Variants in TBK1 observed in about 807,000 individuals in gnomAD.
The protein encoded by TBK1 is TANK binding kinase 1, also known as serine/threonine-protein kinase TBK1.
Under a neutral mutation model 99.9 loss-of-function variants are expected in TBK1, and 37 were observed. That is an observed-to-expected ratio of 0.37 (90% CI 0.28 to 0.49). The LOEUF (loss-of-function observed/expected upper bound fraction) is 0.49. Ranked by LOEUF, TBK1 falls within the 20% of genes least tolerant of loss-of-function variation. The probability of loss-of-function intolerance (pLI) is 0.98; values close to 1 mark genes in which losing one functional copy is unlikely to be tolerated. For synonymous variants in TBK1, 258 were observed against 279.8 expected (o/e 0.92, Z 0.78); for missense variants, 644 against 872.5 (o/e 0.74, Z 3.30).
chr12:64,486,273 C>G (rs956794465), intron 11 of TBK1, among the ~76,000 whole-genome samples: 2 of 152,124 alleles, frequency 1.3e-5, no homozygotes, highest in African/African-American at 4.8e-5. Context: ...CATTTCTTTT[C>G]CTAGGACCTT....
chr12:64,472,145 A>G (rs2040668264), intron 5 of TBK1, among the ~76,000 whole-genome samples: 1 of 151,574 alleles, frequency 6.6e-6, no homozygotes, highest in Admixed American at 6.6e-5. Flanking sequence ...TCTAGTAGGC[A>G]TATGTTTGGA....
intron 11 of TBK1, among the ~76,000 whole-genome samples, chr12:64,487,101 G>A (rs1360672342): frequency 6.6e-6 from 1 of 152,172 alleles, no homozygotes; most frequent in South Asian, 2.1e-4. Flanking sequence ...TCTAAGAAAT[G>A]TAAGATGGAT....
Position 64,497,048 on chromosome 12 carries a change from A to T in TBK1, c.1860A>T (p.Ile620=). 6.2e-7 allele frequency: 1 copy of T among 1,610,172 alleles called. No individual in the cohort carries two copies. The highest frequency in any genetic ancestry group is 8.5e-7 in the Non-Finnish European group (1 of 1,177,226). Residue 620 remains isoleucine, a splice_region_variant and synonymous_variant, in exon 17 of 21, where the codon ATA becomes ATT. Transcript: ENST00000331710. The part of the protein sequence containing the change: ...EAFLNKSEEW[I]RKMLHLRKQL... ...TTTTGAATAAGTCAGAAGAATGGATAAGGTGAGTAAACTTCTTTTGGAGTG... is the reference window on the plus strand; with the variant it reads ...TTTTGAATAAGTCAGAAGAATGGATTAGGTGAGTAAACTTCTTTTGGAGTG...
At chr12:64,488,761 A>G (rs2040841985) in intron 12 of TBK1, among the ~76,000 whole-genome samples, 173 bp downstream of exon 12, 1 of 152,244 alleles carries the variant, frequency 6.6e-6, no homozygotes, top group African/African-American at 2.4e-5. Flanking sequence ...TGGGAAGCCA[A>G]GGCAGGTGGA....
At chr12:64,483,839 T>G (rs1016554797) in intron 8 of TBK1, among the ~76,000 whole-genome samples, 1 of 152,160 alleles carries the variant, frequency 6.6e-6, no homozygotes, top group African/African-American at 2.4e-5. Flanking sequence ...TAACCCTGTC[T>G]CTATTAAAAA....
At chr12:64,462,441 A>G (rs962945389) in intron 3 of TBK1, among the ~76,000 whole-genome samples, 1 of 152,248 alleles carries the variant, frequency 6.6e-6, no homozygotes, top group Non-Finnish European at 1.5e-5. Context: ...TGCAAACAGC[A>G]TTATGTATCT....
chr12:64,465,558 A>G (rs2040595718), intron 4 of TBK1, among the ~76,000 whole-genome samples: 1 of 152,220 alleles, frequency 6.6e-6, no homozygotes, highest in African/African-American at 2.4e-5. Flanking sequence ...ACAGATAAAC[A>G]AAAATGTGGT....
chr12:64,487,276 T>C (rs1444112568), intron 11 of TBK1, among the ~76,000 whole-genome samples: 1 of 152,242 alleles, frequency 6.6e-6, no homozygotes, highest in Non-Finnish European at 1.5e-5. Context: ...GGCCGACAGA[T>C]GTTAAGAAGT....
intron 19 of TBK1, 24 bp downstream of exon 19, chr12:64,497,778 CTG>C (rs770220430): frequency 4.5e-6 from 7 of 1,540,482 alleles, no homozygotes; most frequent in Admixed American, 2.0e-5. Context: ...CATTTGGAAA[CTG>C]TAGTGTTTCC....
At chr12:64,497,805 C>T (rs754245451) in intron 19 of TBK1, 51 bp downstream of exon 19, 3 of 1,477,076 alleles carry the variant, frequency 2.0e-6, no homozygotes, top group Non-Finnish European at 2.8e-6. Context: ...GCTTTCATTG[C>T]AGTTTGTGCT....
At chr12:64,487,505 C>T (rs953841749) in intron 11 of TBK1, among the ~76,000 whole-genome samples, 5 of 152,076 alleles carry the variant, frequency 3.3e-5, no homozygotes, top group Admixed American at 1.3e-4. Context: ...GTTCCTAAGC[C>T]TATGCTTTTC....
At chr12:64,470,337 A>C (rs1451547190) in intron 5 of TBK1, among the ~76,000 whole-genome samples, 1 of 152,182 alleles carries the variant, frequency 6.6e-6, no homozygotes, top group African/African-American at 2.4e-5. Flanking sequence ...ATAAAATAAT[A>C]GATATTTAAT....
At chr12:64,486,517 C>G (rs1368620083) in intron 11 of TBK1, among the ~76,000 whole-genome samples, 1 of 151,922 alleles carries the variant, frequency 6.6e-6, no homozygotes, top group East Asian at 1.9e-4. Flanking sequence ...TCACTGCAGC[C>G]TGAAACTCCT....
chr12:64,452,935 A>C (rs2040443505), intron 1 of TBK1: 1 of 152,222 alleles, frequency 6.6e-6, no homozygotes, highest in Admixed American at 6.5e-5. Context: ...TATGAATCAC[A>C]TAGGGGCAGA....
At chr12:64,498,552 G>C (rs555831177) in intron 20 of TBK1, among the ~76,000 whole-genome samples, 21 of 152,350 alleles carry the variant, frequency 1.4e-4, no homozygotes, top group African/African-American at 4.8e-4. Flanking sequence ...TCCTTATCCT[G>C]ATTCCTCAGA....
In TBK1 at chr12:64,467,049, GT is replaced by G; in HGVS notation, c.510del (p.Phe170LeufsTer21). ...AARELEDDEQ[F>X]VSLYGTEEYL... ...CTAGAGAATTAGAAGATGATGAGCAGTTTGTTTCTCTGTATGGCACAGAAGA... is the reference window on the plus strand; with the variant it reads ...CTAGAGAATTAGAAGATGATGAGCAGTTGTTTCTCTGTATGGCACAGAAGA... On this transcript the variant is annotated frameshift_variant, in exon 5 of 21. Transcript: ENST00000331710. LOFTEE classifies it high-confidence loss of function. 1 of 1,609,058 alleles carries G rather than the reference GT, an allele frequency of 6.2e-7. No homozygotes were observed. The highest frequency in any genetic ancestry group is 8.5e-7 in the Non-Finnish European group (1 of 1,177,656).
At position 64,485,532 on chromosome 12, in the gene TBK1, T is replaced by A; in HGVS notation, c.1248+19T>A. ...GGCTAAGGTTAGTATTTAATTTAAT[T>A]ACTATGTAAACATCTGAATTTAATG... On this transcript the variant is annotated intron_variant, in intron 10 of 20. Transcript: ENST00000331710. 1 of 1,358,880 alleles carries A rather than the reference T, an allele frequency of 7.4e-7. No homozygotes were observed. The allele number at this position is 1,358,880 out of a possible 1,614,324, so 84.2% of individuals were successfully genotyped here. A position where few individuals can be genotyped will look rare whatever the true frequency, so the allele number is the denominator to read the frequency against.
At chr12:64,458,733 T>A (rs2040516653) in intron 2 of TBK1, among the ~76,000 whole-genome samples, 1 of 152,168 alleles carries the variant, frequency 6.6e-6, no homozygotes. Context: ...TGCTCCTCTG[T>A]TAGGATTCTC....
chr12:64,454,302 A>G lies in TBK1; in HGVS notation c.-31-1538A>G, dbSNP rs1299435250. Among the ~76,000 whole-genome samples the G allele has an allele frequency of 2.0e-5, 3 of 152,242 alleles. No homozygotes were observed. The East Asian group carries it at 5.8e-4, about 29-fold the overall frequency. ...CGCTCTGTCACCCTGGCTGGAGTGC[A>G]GTGGTGCGATCTCAGCTCACTGCAA... is the stretch of plus-strand genomic sequence containing the variant. On this transcript the variant is annotated intron_variant, in intron 1 of 20. Coordinates refer to ENST00000331710, the MANE Select transcript of TBK1 (RefSeq NM_013254.4).
Sources: allele counts gnomAD v4.1 joint callset (sites outside exome capture counted in the v4.1 genomes callset), GRCh38; gene constraint gnomAD v4.1.1; transcripts MANE v1.5; gene names NCBI Gene and HGNC (gene_info 2026-07-23, HGNC 2026-07-21).